FAM227B: variants seen among roughly 807,000 people sequenced by gnomAD.
The protein encoded by FAM227B is family with sequence similarity 227 member B.
FAM227B carries 88 observed loss-of-function variants against 73.8 expected under a neutral mutation model. That is an observed-to-expected ratio of 1.19 (90% CI 1.00 to 1.42). FAM227B has a LOEUF of 1.42. Among genes scored for constraint, FAM227B ranks in the 40% most tolerant of loss-of-function variants. FAM227B has a pLI of 0.00. For missense variants in FAM227B, 632 were observed against 590.9 expected, an observed-to-expected ratio of 1.07 and a Z score of -0.72; for synonymous variants, 210 against 190.5, an observed-to-expected ratio of 1.10 and a Z score of -0.84.
chr15:49,445,084 C>A (rs1295773731), intron 11 of FAM227B, among the ~76,000 whole-genome samples: 5 of 151,582 alleles, frequency 3.3e-5, no homozygotes, highest in Non-Finnish European at 5.9e-5. Context: ...CCTTTTCTTT[C>A]CAGACTAAAA....
At chr15:49,487,579 CAT>C (rs1346223668) in intron 11 of FAM227B, 2 of 151,834 alleles carry the variant, frequency 1.3e-5, no homozygotes, top group African/African-American at 4.8e-5. Flanking sequence ...TGCCAAAGAA[CAT>C]AAAGATGTGC....
intron 9 of FAM227B, among the ~76,000 whole-genome samples, chr15:49,542,924 C>T (rs1260891155): frequency 6.6e-6 from 1 of 151,772 alleles, no homozygotes; most frequent in Admixed American, 6.6e-5. Context: ...GGCATTTAGG[C>T]TGGTTTCATA....
intron 10 of FAM227B, among the ~76,000 whole-genome samples, chr15:49,513,103 C>A (rs1276794746): frequency 6.6e-6 from 1 of 152,008 alleles, no homozygotes; most frequent in Non-Finnish European, 1.5e-5. Context: ...GATTTATATT[C>A]CTTTGGGTAT....
intron 11 of FAM227B, among the ~76,000 whole-genome samples, chr15:49,471,756 G>A (rs1415589952): frequency 6.6e-6 from 1 of 151,982 alleles, no homozygotes; most frequent in Non-Finnish European, 1.5e-5. Context: ...TAATTTCTTG[G>A]CTAGGAAGCA....
At chr15:49,352,961 TC>T (rs2042472558) in intron 13 of FAM227B, among the ~76,000 whole-genome samples, 1 of 152,212 alleles carries the variant, frequency 6.6e-6, no homozygotes, top group African/African-American at 2.4e-5. Flanking sequence ...CTTTGCTTGG[TC>T]AACAGGTTAT....
chr15:49,463,872 G>A (rs192048092), intron 11 of FAM227B, among the ~76,000 whole-genome samples: 3 of 152,228 alleles, frequency 2.0e-5, no homozygotes, highest in African/African-American at 4.8e-5. Flanking sequence ...CAGAAATATC[G>A]TTTTTTAGAC....
At chr15:49,512,044 T>A (rs568841040) in intron 10 of FAM227B, among the ~76,000 whole-genome samples, 2 of 152,212 alleles carry the variant, frequency 1.3e-5, no homozygotes, top group Non-Finnish European at 2.9e-5. Context: ...ATTAGGCACA[T>A]ATTTCTTTTT....
At chr15:49,577,385 A>AT in intron 6 of FAM227B, 1 of 424,468 alleles carries the variant, frequency 2.4e-6, no homozygotes, top group Non-Finnish European at 4.3e-6. Context: ...CATATCTAAA[A>AT]TAAAAACAAA....
At chr15:49,409,848 T>C (rs1483714300) in intron 11 of FAM227B, among the ~76,000 whole-genome samples, 4 of 152,132 alleles carry the variant, frequency 2.6e-5, no homozygotes, top group Non-Finnish European at 5.9e-5. Flanking sequence ...ATAAAATGCT[T>C]AGAAAACTGC....
chr15:49,615,972 T>C (rs1336680020), intron 1 of FAM227B, among the ~76,000 whole-genome samples: 1 of 152,226 alleles, frequency 6.6e-6, no homozygotes, highest in African/African-American at 2.4e-5. Flanking sequence ...CCTCTATTTT[T>C]TTCTATTATC....
At chr15:49,345,899 G>C (rs2041405524) in intron 13 of FAM227B, among the ~76,000 whole-genome samples, 1 of 152,178 alleles carries the variant, frequency 6.6e-6, no homozygotes, top group African/African-American at 2.4e-5. Flanking sequence ...TTGCCTTTGA[G>C]AGATTGAGTG....
rs1258025622 is a variant in FAM227B, at chr15:49,357,945, A to G, written c.1271+9503T>C. Among the ~76,000 whole-genome samples the G allele has an allele frequency of 3.3e-5, 5 of 152,036 alleles. No homozygotes were observed. In the East Asian group the frequency reaches 9.6e-4, roughly 29 times the overall value. The stretch of plus-strand genomic sequence containing the variant: ...AGGCTGGTTCAATATACACAAATCA[A>G]TAAATGTAATCCAGCATATAAACAG... On this transcript the variant is annotated intron_variant, in intron 13 of 15. Transcript: ENST00000299338.
At chr15:49,464,681 A>G (rs1597369995) in intron 11 of FAM227B, among the ~76,000 whole-genome samples, 1 of 152,354 alleles carries the variant, frequency 6.6e-6, no homozygotes. Context: ...TAAAAATGTT[A>G]TCTTAATGTG....
At chr15:49,587,126 T>TAC (rs2076213808) in intron 5 of FAM227B, among the ~76,000 whole-genome samples, 1 of 152,172 alleles carries the variant, frequency 6.6e-6, no homozygotes, top group South Asian at 2.1e-4. Context: ...GTGGTATATA[T>TAC]ACACCACGGA....
At position 49,389,195 on chromosome 15, in the gene FAM227B, G is replaced by A. The variant is rs1330805843; in HGVS notation, c.1013-17796C>T. Among the ~76,000 whole-genome samples, 3 of 151,980 alleles carry A rather than the reference G, an allele frequency of 2.0e-5. No homozygotes were observed. In the East Asian group the frequency reaches 5.8e-4, roughly 29 times the overall value. ...ATGAAAAAGACACTTGCCCATGTATGTTTATAGCAGCACAATTCACAATTG... is the reference window on the plus strand; with the variant it reads ...ATGAAAAAGACACTTGCCCATGTATATTTATAGCAGCACAATTCACAATTG... On this transcript the variant is annotated intron_variant, in intron 11 of 15. Transcript: ENST00000299338.
rs552864242 is a variant in FAM227B at position 49,353,617 on chromosome 15, T to G, written c.1271+13831A>C. 2.8e-3 allele frequency: 418 copies of G among 151,412 alleles called. 2 individuals are homozygous for G. Among genetic ancestry groups the G allele is most frequent in the African/African-American group, 9.8e-3 (404 of 41,372 alleles). The allele number at this position is 151,412 out of a possible 1,614,324, so 9.4% of individuals were successfully genotyped here. ...TTGAAGTTGAAGGAAAATAAGGGTTTTTTTTTTTTTTTGTAAAATCTCATA... is the reference window on the plus strand; with the variant it reads ...TTGAAGTTGAAGGAAAATAAGGGTTGTTTTTTTTTTTTGTAAAATCTCATA... On this transcript the variant is annotated intron_variant, in intron 13 of 15. Transcript: ENST00000299338.
chr15:49,550,338 A>C (rs1251364840), intron 9 of FAM227B, among the ~76,000 whole-genome samples: 6 of 105,218 alleles, frequency 5.7e-5, no homozygotes, highest in Admixed American at 2.0e-4. Context: ...CGGCGGGCTG[A>C]CCCCCCCACC....
Position 49,367,615 on chromosome 15 carries a change from G to A in FAM227B, c.1111-7C>T, listed in dbSNP as rs765828688. ...CAGTACTACTATAGTGCGACTGTAAGAGGAAGAAAATAATCAAGACAACGA... is the reference window on the plus strand; with the variant it reads ...CAGTACTACTATAGTGCGACTGTAAAAGGAAGAAAATAATCAAGACAACGA... On this transcript the variant is annotated splice_region_variant and splice_polypyrimidine_tract_variant and intron_variant, in intron 12 of 15. Coordinates refer to ENST00000299338, the MANE Select transcript of FAM227B (RefSeq NM_152647.3). The A allele has an allele frequency of 3.9e-5, 60 of 1,539,366 alleles. No homozygotes were observed. Among genetic ancestry groups the A allele is most frequent in the Non-Finnish European group, 5.0e-5 (58 of 1,156,542 alleles).
intron 11 of FAM227B, among the ~76,000 whole-genome samples, chr15:49,503,917 C>A: frequency 6.6e-6 from 1 of 152,130 alleles, no homozygotes; most frequent in African/African-American, 2.4e-5. Context: ...CCAGCCATCC[C>A]ATTACTGGGT....
Sources: allele counts gnomAD v4.1 joint callset (sites outside exome capture counted in the v4.1 genomes callset), GRCh38; gene constraint gnomAD v4.1.1; transcripts MANE v1.5; gene names NCBI Gene and HGNC (gene_info 2026-07-23, HGNC 2026-07-21).